Variants in RPL13A observed in about 807,000 individuals in gnomAD.
The protein encoded by RPL13A is large ribosomal subunit protein uL13.
In RPL13A, 4 loss-of-function variants were observed where a neutral mutation model predicts 30.8. That is an observed-to-expected ratio of 0.13 (90% CI 0.06 to 0.30). RPL13A has a LOEUF of 0.30. RPL13A is among the 10% of genes least tolerant of loss of function. RPL13A has a pLI of 1.00. For synonymous variants in RPL13A, 108 were observed against 104.2 expected (o/e 1.04, Z -0.22); for missense variants, 196 against 272.6 (o/e 0.72, Z 1.98).
At chr19:49,487,726 A>G in intron 1 of RPL13A, 82 bp downstream of exon 1, 2 of 1,375,842 alleles carry the variant, frequency 1.5e-6, no homozygotes, top group Non-Finnish European at 1.9e-6. Flanking sequence ...TCTGTCTTGC[A>G]TGTTTTGCGG....
intron 1 of RPL13A, among the ~76,000 whole-genome samples, chr19:49,488,398 CTG>C (rs1568686026): frequency 6.6e-6 from 1 of 152,140 alleles, no homozygotes; most frequent in African/African-American, 2.4e-5. Context: ...TGTGAGTAGT[CTG>C]TTGTTGGGGC....
rs1260203332 is a variant in RPL13A at position 49,491,752 on chromosome 19, G to T, written c.549G>T (p.Lys183Asn). ...AGAGGCTACGGAAACAGGCCGAGAA[G>T]AACGTGGAGAAGAAAATTGACAAAT... ...QLMRLRKQAE[K>N]NVEKKIDKYT... The change falls in exon 8 of 8, where the codon AAG becomes AAT. Residue 183 changes from lysine (K) to asparagine (N), a missense_variant. By Grantham distance (94) the Lys-to-Asn change is moderately conservative (BLOSUM62 0). Coordinates refer to ENST00000391857, the MANE Select transcript of RPL13A (RefSeq NM_012423.4). The T allele has an allele frequency of 1.2e-6, 2 of 1,613,592 alleles. No individual in the cohort carries two copies. The highest frequency in any genetic ancestry group is 2.2e-5 in the South Asian group (2 of 90,906).
At chr19:49,490,754 G>C in intron 4 of RPL13A, 25 bp from the exon 5 acceptor site, 1 of 1,613,832 alleles carries the variant, frequency 6.2e-7, no homozygotes, top group African/African-American at 1.3e-5. Context: ...CCCTCTGACT[G>C]GGCCTGCTAT....
At chr19:49,491,400 T>TCCCCCCCCCCCCCCCC in intron 6 of RPL13A, 25 bp from the exon 7 acceptor site, 1 of 976,862 alleles carries the variant, frequency 1.0e-6, no homozygotes, top group Non-Finnish European at 1.4e-6. Context: ...CTTCATTTGT[T>TCCCCCCCCCCCCCCCC]CACCCCCCCC....
At chr19:49,488,320 G>A (rs981194629) in intron 1 of RPL13A, among the ~76,000 whole-genome samples, 1 of 152,132 alleles carries the variant, frequency 6.6e-6, no homozygotes, top group African/African-American at 2.4e-5. Flanking sequence ...ACACCTGGGG[G>A]CCCTTTCCCT....
At chr19:49,490,428 G>C (rs184297345) in intron 3 of RPL13A, 47 bp from the exon 4 acceptor site, 100 of 1,603,778 alleles carry the variant, frequency 6.2e-5, no homozygotes, top group Non-Finnish European at 7.3e-5. Flanking sequence ...TGGGGTTTTG[G>C]GGGTGCTGGT....
Position 49,492,119 on chromosome 19 carries a change from TC to T in RPL13A, c.*306del, listed in dbSNP as rs1223059540. Reference sequence around the variant, plus strand: ...TGTGAGTGGGGCATCTGTTGGACTTTCCACCTGGTCATATACTCTGCAGCTG... The same window carrying T: ...TGTGAGTGGGGCATCTGTTGGACTTTCACCTGGTCATATACTCTGCAGCTG... On this transcript the variant is annotated 3_prime_UTR_variant, in exon 8 of 8. Coordinates refer to ENST00000391857, the MANE Select transcript of RPL13A (RefSeq NM_012423.4). 2.3e-5 allele frequency: 8 copies of T among 355,436 alleles called. No homozygotes were observed. The highest frequency in any genetic ancestry group is 1.7e-4 in the African/African-American group (8 of 47,812). The allele number at this position is 355,436 out of a possible 1,614,324, so 22.0% of individuals were successfully genotyped here. A position where few individuals can be genotyped will look rare whatever the true frequency, so the allele number is the denominator to read the frequency against.
rs770814538 is a variant in RPL13A at position 49,491,711 on chromosome 19, T to C, written c.526-18T>C. Reference sequence around the variant, plus strand: ...GCAACCCCTCCTGACCACCACCACCTGCACTTATTCTTGGCAGAGGCTACG... The same window carrying C: ...GCAACCCCTCCTGACCACCACCACCCGCACTTATTCTTGGCAGAGGCTACG... On this transcript the variant is annotated intron_variant, in intron 7 of 7. Coordinates refer to ENST00000391857, the MANE Select transcript of RPL13A (RefSeq NM_012423.4). 1.9e-6 allele frequency: 3 copies of C among 1,611,122 alleles called. No individual in the cohort carries two copies. The African/African-American group carries it at 4.0e-5, about 22-fold the overall frequency.
chr19:49,492,195 G>C lies in RPL13A; in HGVS notation c.*380G>C, dbSNP rs2079877830. ...CAGCATGAGCTTGCTGTTGTACACA[G>C]GGTATTTCTAGAAGCAGAAATAGAC... On this transcript the variant is annotated 3_prime_UTR_variant, in exon 8 of 8. Coordinates refer to ENST00000391857, the MANE Select transcript of RPL13A (RefSeq NM_012423.4). The C allele has an allele frequency of 5.2e-6, 1 of 190,892 alleles. No homozygotes were observed. The highest frequency in any genetic ancestry group is 1.1e-5 in the Non-Finnish European group (1 of 90,786). 11.8% of individuals were successfully genotyped at this position (190,892 alleles called of 1,614,324 possible).
Position 49,490,235 on chromosome 19 carries a change from G to A in RPL13A, c.92G>A (p.Arg31Gln), listed in dbSNP as rs746759643. Residue 31 changes from arginine (R) to glutamine (Q), a missense_variant, in exon 3 of 8, where the codon CGG becomes CAG. By Grantham distance (43) the Arg-to-Gln change is conservative. Coordinates refer to ENST00000391857, the MANE Select transcript of RPL13A (RefSeq NM_012423.4). ...AIVAKQVLLG[R>Q]KVVVVRCEGI... ...CTAAGCCTTTCCCTCCCTCTAGGCC[G>A]GAAGGTGGTGGTCGTACGCTGTGAA... is the stretch of plus-strand genomic sequence containing the variant. 1.7e-5 allele frequency: 28 copies of A among 1,614,098 alleles called. No individual in the cohort carries two copies. The highest frequency in any genetic ancestry group is 4.4e-5 in the South Asian group (4 of 91,076).
intron 6 of RPL13A, 27 bp downstream of exon 6, chr19:49,491,126 C>A: frequency 6.2e-7 from 1 of 1,613,616 alleles, no homozygotes; most frequent in Non-Finnish European, 8.5e-7. Context: ...GCTGCACCAT[C>A]TACTTGGGAG....
At chr19:49,490,941 G>C in intron 5 of RPL13A, 77 bp downstream of exon 5, 1 of 1,604,764 alleles carries the variant, frequency 6.2e-7, no homozygotes, top group Non-Finnish European at 8.5e-7. Flanking sequence ...TACATTGTTT[G>C]ATCCTCATGA....
chr19:49,487,780 AAG>A (rs953672678), intron 1 of RPL13A, 136 bp downstream of exon 1: 46 of 951,060 alleles, frequency 4.8e-5, no homozygotes, highest in Non-Finnish European at 6.6e-5. Context: ...CTTTTGGGAT[AAG>A]GGGAATCTGT....
chr19:49,488,649 C>T (rs2079833467), intron 1 of RPL13A, among the ~76,000 whole-genome samples: 1 of 152,250 alleles, frequency 6.6e-6, no homozygotes, highest in African/African-American at 2.4e-5. Context: ...GCTTACAAAG[C>T]ATGTGTAACA....
At chr19:49,489,118 A>G (rs998135118) in intron 1 of RPL13A, among the ~76,000 whole-genome samples, 5 of 152,192 alleles carry the variant, frequency 3.3e-5, no homozygotes, top group Non-Finnish European at 7.3e-5. Flanking sequence ...GCCTAATCTC[A>G]TCCCACCTGA....
At chr19:49,491,360 C>A (rs1364189814) in intron 6 of RPL13A, 65 bp from the exon 7 acceptor site, 1 of 1,383,724 alleles carries the variant, frequency 7.2e-7, no homozygotes, top group Non-Finnish European at 1.0e-6. Flanking sequence ...TCCGGCTCTT[C>A]AGGGTGTGGG....
chr19:49,489,973 T>C (rs1790540411), intron 2 of RPL13A, 51 bp downstream of exon 2: 1 of 1,394,482 alleles, frequency 7.2e-7, no homozygotes, highest in Non-Finnish European at 1.0e-6. Context: ...TGGAGGTCAG[T>C]GATGAGCAAC....
chr19:49,492,034 A>T lies in RPL13A; in HGVS notation c.*219A>T. 1.9e-6 allele frequency: 1 copy of T among 524,920 alleles called. No individual in the cohort carries two copies. Among genetic ancestry groups the T allele is most frequent in the South Asian group, 2.2e-5 (1 of 45,700 alleles). The allele number at this position is 524,920 out of a possible 1,614,324, so 32.5% of individuals were successfully genotyped here. On this transcript the variant is annotated 3_prime_UTR_variant, in exon 8 of 8. Transcript: ENST00000391857. ...GTGTCATTTATCTATGACCAATAGG[A>T]AGAGCAACCAGTTACTATGAGTGAA...
chr19:49,490,984 ACCT>A (rs748952254), intron 5 of RPL13A, 53 bp from the exon 6 acceptor site: 5 of 1,609,690 alleles, frequency 3.1e-6, no homozygotes, highest in South Asian at 1.1e-5. Flanking sequence ...AGTCCAGCCG[ACCT>A]CCTTCCCTGT....
Sources: allele counts gnomAD v4.1 joint callset (sites outside exome capture counted in the v4.1 genomes callset), GRCh38; gene constraint gnomAD v4.1.1; transcripts MANE v1.5; gene names NCBI Gene and HGNC (gene_info 2026-07-23, HGNC 2026-07-21).